CNTN1: variants seen among roughly 807,000 people sequenced by gnomAD.
The protein encoded by CNTN1 is contactin 1, also known as contactin-1.
In CNTN1, 38 loss-of-function variants were observed where a neutral mutation model predicts 126.4. That is an observed-to-expected ratio of 0.30 (90% CI 0.23 to 0.39). The LOEUF is 0.39. Ranked by LOEUF, CNTN1 falls within the 10% of genes least tolerant of loss-of-function variation. The pLI, the probability that CNTN1 is intolerant of heterozygous loss-of-function variation, is 1.00. For missense variants in CNTN1, 1,009 were observed against 1,248.4 expected (o/e 0.81, Z 2.89); for synonymous variants, 413 against 422.6 (o/e 0.98, Z 0.28).
chr12:40,858,957 A>G (rs1943018815), intron 1 of CNTN1, among the ~76,000 whole-genome samples: 1 of 151,770 alleles, frequency 6.6e-6, no homozygotes, highest in Admixed American at 6.6e-5. Context: ...GAGGGGAACA[A>G]CACACACTGG....
intron 1 of CNTN1, among the ~76,000 whole-genome samples, chr12:40,773,633 G>GTGTATA (rs1555155525): frequency 2.2e-3 from 102 of 46,598 alleles, no homozygotes; most frequent in Non-Finnish European, 3.9e-3. Flanking sequence ...ACCAGAAACT[G>GTGTATA]TATATATATA....
chr12:40,840,525 C>A (rs919902706), intron 1 of CNTN1, among the ~76,000 whole-genome samples: 3 of 151,982 alleles, frequency 2.0e-5, no homozygotes, highest in Non-Finnish European at 4.4e-5. Flanking sequence ...TTCTATCCAG[C>A]GATGGCAGAA....
intron 1 of CNTN1, among the ~76,000 whole-genome samples, chr12:40,777,866 G>A (rs1408275239): frequency 1.3e-5 from 2 of 151,672 alleles, no homozygotes; most frequent in Non-Finnish European, 2.9e-5. Context: ...GTCAGTCTTT[G>A]GGAAGGGTAA....
chr12:40,804,134 C>A (rs1940755921), intron 1 of CNTN1, among the ~76,000 whole-genome samples: 1 of 151,922 alleles, frequency 6.6e-6, no homozygotes. Context: ...ACTTGCACTT[C>A]TAGACTTTTT....
rs7974206 is a variant in CNTN1, at chr12:41,009,876, G to C, written c.2114-4352G>C. 3.1e-3 allele frequency among the ~76,000 whole-genome samples: 477 copies of C among 152,238 alleles called. 1 individual carries two copies. The highest frequency in any genetic ancestry group is 0.011 in the African/African-American group (466 of 41,538). ...GATTGATATTAGCTTCTACCAGGGG[G>C]TGACAGAGTTTGTCCTGGGGCTATA... On this transcript the variant is annotated intron_variant, in intron 17 of 23. Transcript: ENST00000551295.
intron 1 of CNTN1, among the ~76,000 whole-genome samples, chr12:40,799,767 T>C (rs1940574934): frequency 6.6e-6 from 1 of 152,040 alleles, no homozygotes; most frequent in African/African-American, 2.4e-5. Context: ...ACTTACTATA[T>C]ACAAGCACTA....
At chr12:40,744,105 AG>A (rs1938065674) in intron 1 of CNTN1, among the ~76,000 whole-genome samples, 1 of 152,048 alleles carries the variant, frequency 6.6e-6, no homozygotes, top group African/African-American at 2.4e-5. Flanking sequence ...GGACACAAGG[AG>A]GGGAACAATA....
intron 23 of CNTN1, among the ~76,000 whole-genome samples, chr12:41,064,034 C>T (rs868100959): frequency 8.5e-5 from 13 of 152,096 alleles, no homozygotes; most frequent in Middle Eastern, 3.4e-3. Flanking sequence ...ATTAGCCGGG[C>T]ATGGTGGCGG....
chr12:40,912,615 A>G (rs1470727525), intron 3 of CNTN1, among the ~76,000 whole-genome samples: 2 of 152,210 alleles, frequency 1.3e-5, no homozygotes, highest in East Asian at 3.9e-4. Context: ...ATGACTGTAT[A>G]ATATCCAAAG....
In CNTN1 at chr12:40,933,714, G is replaced by A. The variant is rs374200408; in HGVS notation, c.821G>A (p.Arg274Gln). 9.0e-5 allele frequency: 145 copies of A among 1,612,582 alleles called. No individual in the cohort carries two copies. Among genetic ancestry groups the A allele is most frequent in the Non-Finnish European group, 1.1e-4 (135 of 1,179,080 alleles). Residue 274 changes from arginine (R) to glutamine (Q), a missense_variant, in exon 9 of 24, where the codon CGA (arginine) becomes CAA (glutamine). By Grantham distance (43) the Arg-to-Gln change is conservative. Transcript: ENST00000551295. The stretch of plus-strand genomic sequence containing the variant: ...ATTTAAAGTCCTGTTCCGGATATCC[G>A]ATGGCGGAAGGTTCTAGAACCAATG... ...FALGNPVPDI[R>Q]WRKVLEPMPS...
chr12:40,770,916 G>A (rs12425943), intron 1 of CNTN1, among the ~76,000 whole-genome samples: 10,811 of 151,986 alleles, frequency 0.071, 416 homozygotes, highest in African/African-American at 0.087. Flanking sequence ...AAGCAGGGGC[G>A]GGTGCATTAT....
At chr12:40,815,159 T>C (rs1941216551) in intron 1 of CNTN1, among the ~76,000 whole-genome samples, 1 of 152,226 alleles carries the variant, frequency 6.6e-6, no homozygotes, top group Non-Finnish European at 1.5e-5. Context: ...ATATGAAATT[T>C]AAAATAGTAT....
intron 3 of CNTN1, among the ~76,000 whole-genome samples, chr12:40,917,090 T>G (rs1184252289): frequency 6.7e-6 from 1 of 149,582 alleles, no homozygotes; most frequent in Admixed American, 6.7e-5. Context: ...AACTTGAGGA[T>G]TTTAGTAACC....
chr12:41,006,254 C>T (rs775541844), intron 17 of CNTN1, among the ~76,000 whole-genome samples: 3 of 152,164 alleles, frequency 2.0e-5, no homozygotes, highest in Non-Finnish European at 4.4e-5. Flanking sequence ...TGACTTTGTC[C>T]TCTGGCTCCT....
chr12:40,770,948 C>T (rs1044041946), intron 1 of CNTN1, among the ~76,000 whole-genome samples: 1 of 152,002 alleles, frequency 6.6e-6, no homozygotes, highest in African/African-American at 2.4e-5. Context: ...GGTGGAAACT[C>T]CCTTATTAGT....
chr12:41,035,819 T>C (rs1325034764), intron 23 of CNTN1, among the ~76,000 whole-genome samples: 1 of 152,094 alleles, frequency 6.6e-6, no homozygotes, highest in Admixed American at 6.6e-5. Context: ...CAGAGTCATA[T>C]GGGATGAGGT....
At chr12:40,887,825 T>C (rs1228052697) in intron 1 of CNTN1, among the ~76,000 whole-genome samples, 1 of 152,140 alleles carries the variant, frequency 6.6e-6, no homozygotes, top group Non-Finnish European at 1.5e-5. Context: ...CATGGAATAC[T>C]ATGCAGCCAT....
At chr12:41,005,533 T>A (rs1434293244) in intron 17 of CNTN1, among the ~76,000 whole-genome samples, 2 of 152,198 alleles carry the variant, frequency 1.3e-5, no homozygotes, top group African/African-American at 2.4e-5. Flanking sequence ...GTTTCCAAGT[T>A]AGTTCCATTC....
At chr12:40,735,065 T>A (rs958297567) in intron 1 of CNTN1, among the ~76,000 whole-genome samples, 2 of 152,100 alleles carry the variant, frequency 1.3e-5, no homozygotes, top group African/African-American at 4.8e-5. Flanking sequence ...CTATTGTGGG[T>A]TGACTATTTA....
Sources: allele counts gnomAD v4.1 joint callset (sites outside exome capture counted in the v4.1 genomes callset), GRCh38; gene constraint gnomAD v4.1.1; transcripts MANE v1.5; gene names NCBI Gene and HGNC (gene_info 2026-07-23, HGNC 2026-07-21).